Variants in STAMBP observed in about 807,000 individuals in gnomAD.
STAMBP encodes STAM-binding protein.
Under a neutral mutation model 50.7 loss-of-function variants are expected in STAMBP, and 31 were observed. That is an observed-to-expected ratio of 0.61 (90% CI 0.46 to 0.83). The LOEUF (loss-of-function observed/expected upper bound fraction) is 0.83, where lower values mean the gene tolerates loss of function less well. Ranked by LOEUF, STAMBP falls within the 40% of genes least tolerant of loss-of-function variation. The pLI is 0.00. For synonymous variants in STAMBP, 211 were observed against 192.4 expected, an observed-to-expected ratio of 1.10 and a Z score of -0.80; for missense variants, 472 against 518.9, an observed-to-expected ratio of 0.91 and a Z score of 0.88.
intron 7 of STAMBP, 130 bp from the exon 8 acceptor site, chr2:73,859,124 G>A: frequency 1.5e-6 from 1 of 679,196 alleles, no homozygotes; most frequent in Non-Finnish European, 2.7e-6. Flanking sequence ...CTCAAAGTAT[G>A]TTATCGTATG....
At chr2:73,832,909 G>T (rs1674145460) in intron 2 of STAMBP, among the ~76,000 whole-genome samples, 2 of 152,170 alleles carry the variant, frequency 1.3e-5, no homozygotes, top group Non-Finnish European at 2.9e-5. Flanking sequence ...TGGAGAAATG[G>T]GACTGCTATT....
chr2:73,841,878 C>T (rs1011688798), intron 2 of STAMBP, among the ~76,000 whole-genome samples: 6 of 152,096 alleles, frequency 3.9e-5, no homozygotes, highest in African/African-American at 1.4e-4. Flanking sequence ...CCTTTTTGCC[C>T]ATCTATCCCC....
At chr2:73,845,095 G>T in intron 3 of STAMBP, 72 bp from the exon 4 acceptor site, 1 of 1,590,818 alleles carries the variant, frequency 6.3e-7, no homozygotes, top group South Asian at 1.1e-5. Flanking sequence ...TCACCAACTT[G>T]ACTTAAGTCT....
At chr2:73,873,502 A>G (rs1187340808) in exon 11 of STAMBP, 1 of 152,198 alleles carries the variant, frequency 6.6e-6, no homozygotes, top group African/African-American at 2.4e-5. Context: ...CTCCTTACTT[A>G]TGAACTTGGG....
downstream of STAMBP, among the ~76,000 whole-genome samples, chr2:73,871,086 T>G (rs927232602): frequency 6.6e-6 from 1 of 152,298 alleles, no homozygotes; most frequent in African/African-American, 2.4e-5. Context: ...TTTAAAATTA[T>G]TTTTAATTGA....
At position 73,844,969 on chromosome 2, in the gene STAMBP, T is replaced by C; in HGVS notation, c.279+81T>C. ...ACTTCAAGATAAAAGTAGTAGTCTC[T>C]GCATCTGAGTACCAGATCCTGCAAT... On this transcript the variant is annotated intron_variant, in intron 3 of 9. Coordinates refer to ENST00000394070, the MANE Select transcript of STAMBP (RefSeq NM_213622.4). 1.9e-6 allele frequency: 3 copies of C among 1,552,040 alleles called. No individual in the cohort carries two copies. The Admixed American group carries it at 6.0e-5, about 31-fold the overall frequency.
downstream of STAMBP, among the ~76,000 whole-genome samples, chr2:73,867,676 A>G (rs1679013168): frequency 6.6e-6 from 1 of 152,246 alleles, no homozygotes; most frequent in African/African-American, 2.4e-5. Flanking sequence ...AATTTCTGTA[A>G]TTTCTACAAA....
intron 4 of STAMBP, 133 bp from the exon 5 acceptor site, chr2:73,847,254 A>G: frequency 8.8e-7 from 1 of 1,131,456 alleles, no homozygotes; most frequent in Non-Finnish European, 1.2e-6. Context: ...TGAGGAAAGC[A>G]TGAATTCTGT....
At chr2:73,859,512 T>G in intron 8 of STAMBP, 146 bp downstream of exon 8, 1 of 642,992 alleles carries the variant, frequency 1.6e-6, no homozygotes, top group East Asian at 2.5e-5. Flanking sequence ...GGGCTTCCTT[T>G]TAAGCCCCAT....
In STAMBP at chr2:73,847,373, TTC is replaced by T. The variant is rs756483760; in HGVS notation, c.376-8_376-7del. ...GAGGTGTGAAGTGTTAGCCTAAATT[TTC>T]TCTCTTTGTAGAAGAAGGAAGCAGA... On this transcript the variant is annotated splice_polypyrimidine_tract_variant and intron_variant, in intron 4 of 9. Transcript: ENST00000394070. 2.5e-6 allele frequency: 4 copies of T among 1,579,248 alleles called. No individual in the cohort carries two copies. The highest frequency in any genetic ancestry group is 1.2e-5 in the South Asian group (1 of 85,824).
At chr2:73,840,482 G>A (rs1231622867) in intron 2 of STAMBP, among the ~76,000 whole-genome samples, 1 of 151,862 alleles carries the variant, frequency 6.6e-6, no homozygotes, top group East Asian at 1.9e-4. Context: ...GGTGGCTCAC[G>A]CCTGTAATCC....
At chr2:73,872,260 C>T (rs1679231937) in intron 10 of STAMBP, among the ~76,000 whole-genome samples, 1 of 152,138 alleles carries the variant, frequency 6.6e-6, no homozygotes, top group Admixed American at 6.6e-5. Context: ...GGGCAGCATT[C>T]ATTTCCAAAG....
intron 7 of STAMBP, among the ~76,000 whole-genome samples, chr2:73,851,370 C>T (rs1459549715): frequency 6.6e-6 from 1 of 152,194 alleles, no homozygotes; most frequent in Non-Finnish European, 1.5e-5. Flanking sequence ...TGATTTTAGC[C>T]TCATGAAGGA....
intron 8 of STAMBP, among the ~76,000 whole-genome samples, chr2:73,859,589 A>T (rs1435510215): frequency 1.3e-5 from 2 of 152,190 alleles, no homozygotes; most frequent in African/African-American, 4.8e-5. Context: ...CTTTTCTAAG[A>T]AAAGTCTACA....
Position 73,860,158 on chromosome 2 carries a change from A to G in STAMBP, c.1218+7A>G. 1.9e-6 allele frequency: 3 copies of G among 1,611,208 alleles called. No individual in the cohort carries two copies. Among genetic ancestry groups the G allele is most frequent in the South Asian group, 1.1e-5 (1 of 90,676 alleles). On this transcript the variant is annotated splice_region_variant and intron_variant, in intron 9 of 9. Transcript: ENST00000394070. ...GGATCCACCTCTGTTCTGTGTACGT[A>G]TCTATGTAAAAGAAAATGGGGCTAT...
Position 73,859,245 on chromosome 2 carries a change from T to A in STAMBP, c.1006-9T>A. On this transcript the variant is annotated splice_polypyrimidine_tract_variant and intron_variant, in intron 7 of 9. Coordinates refer to ENST00000394070, the MANE Select transcript of STAMBP (RefSeq NM_213622.4). ...GCTAAGAGTCCTCTGACTCTTTTTC[T>A]CTCCTCAGACTCACCCCACACAGAC... The A allele has an allele frequency of 1.2e-6, 2 of 1,611,080 alleles. No homozygotes were observed. The highest frequency in any genetic ancestry group is 2.2e-5 in the South Asian group (2 of 91,006).
intron 2 of STAMBP, among the ~76,000 whole-genome samples, chr2:73,843,502 C>T (rs190497928): frequency 2.8e-3 from 420 of 151,428 alleles, no homozygotes; most frequent in Middle Eastern, 6.8e-3. Flanking sequence ...CTCCTGGGCT[C>T]AAGCAGTCTT....
intron 7 of STAMBP, among the ~76,000 whole-genome samples, chr2:73,853,339 ATGTT>A (rs1393424392): frequency 6.6e-6 from 1 of 152,154 alleles, no homozygotes; most frequent in African/African-American, 2.4e-5. Context: ...GGTTGAGAGA[ATGTT>A]TGGTTGATTG....
At chr2:73,868,193 A>G (rs947968762), downstream of STAMBP, among the ~76,000 whole-genome samples, 2 of 152,152 alleles carry the variant, frequency 1.3e-5, no homozygotes, top group African/African-American at 4.8e-5. Context: ...AATCTCATAA[A>G]TTGTGTACAC....
Sources: gnomAD v4.1 joint callset for allele counts (sites outside exome capture counted in the v4.1 genomes callset) on GRCh38, gnomAD v4.1.1 for gene constraint, MANE v1.5 for transcripts, NCBI Gene and HGNC (gene_info 2026-07-23, HGNC 2026-07-21) for gene names.